SGCZ: variants seen among roughly 807,000 people sequenced by gnomAD.
SGCZ encodes the protein sarcoglycan zeta.
Under a neutral mutation model 41.3 loss-of-function variants are expected in SGCZ, and 40 were observed. The observed-to-expected ratio is 0.97, with a 90% CI of 0.75 to 1.26. SGCZ has a LOEUF of 1.26. Ranked by LOEUF, SGCZ falls within the 50% of genes most tolerant of loss-of-function variation. The probability of loss-of-function intolerance (pLI) is 0.00; values close to 1 mark genes in which losing one functional copy is unlikely to be tolerated. For synonymous variants in SGCZ, 206 were observed against 137.5 expected, an observed-to-expected ratio of 1.50 and a Z score of -3.49; for missense variants, 552 against 369.8, an observed-to-expected ratio of 1.49 and a Z score of -4.04.
intron 1 of SGCZ, among the ~76,000 whole-genome samples, chr8:14,829,868 G>C (rs980177136): frequency 6.6e-6 from 1 of 152,154 alleles, no homozygotes; most frequent in African/African-American, 2.4e-5. Flanking sequence ...CTGGAGTGCA[G>C]TGGCGCGATC....
chr8:14,107,290 A>G (rs1322705712), intron 6 of SGCZ, among the ~76,000 whole-genome samples: 1 of 152,016 alleles, frequency 6.6e-6, no homozygotes, highest in African/African-American at 2.4e-5. Flanking sequence ...TCTAGATTTT[A>G]TTATTTTGAA....
intron 1 of SGCZ, among the ~76,000 whole-genome samples, chr8:14,623,517 G>A (rs1446120319): frequency 1.3e-5 from 2 of 152,030 alleles, no homozygotes; most frequent in Non-Finnish European, 2.9e-5. Flanking sequence ...GACAGGAGGG[G>A]AAAAAATTAC....
At chr8:14,992,836 A>C (rs1398181526) in intron 1 of SGCZ, among the ~76,000 whole-genome samples, 4 of 121,634 alleles carry the variant, frequency 3.3e-5, no homozygotes, top group African/African-American at 6.6e-5. Flanking sequence ...CATCCTCCTC[A>C]TTCAATCTAC....
intron 2 of SGCZ, among the ~76,000 whole-genome samples, chr8:14,380,018 C>G (rs1804300932): frequency 1.3e-5 from 2 of 152,178 alleles, no homozygotes; most frequent in Admixed American, 6.6e-5. Context: ...AGGTGTGAGC[C>G]ATGGCACCCG....
chr8:14,242,187 G>C (rs772564732), intron 3 of SGCZ, among the ~76,000 whole-genome samples: 2 of 152,130 alleles, frequency 1.3e-5, no homozygotes, highest in African/African-American at 4.8e-5. Flanking sequence ...AGAAGATATG[G>C]GTGTTTCAGG....
At chr8:14,576,435 T>C (rs528244022) in intron 1 of SGCZ, among the ~76,000 whole-genome samples, 121 of 152,268 alleles carry the variant, frequency 7.9e-4, no homozygotes, top group African/African-American at 2.6e-3. Flanking sequence ...TATAGTATAA[T>C]GAAGTAATAT....
At chr8:14,205,809 T>C (rs907281822) in intron 4 of SGCZ, among the ~76,000 whole-genome samples, 1 of 152,130 alleles carries the variant, frequency 6.6e-6, no homozygotes, top group Non-Finnish European at 1.5e-5. Flanking sequence ...AATTATTCTA[T>C]TTGATGCACT....
intron 3 of SGCZ, among the ~76,000 whole-genome samples, chr8:14,318,510 C>G (rs866778922): frequency 6.6e-6 from 1 of 151,918 alleles, no homozygotes; most frequent in Non-Finnish European, 1.5e-5. Context: ...TAATGAAAGT[C>G]AAGCCCAGAT....
chr8:14,229,102 G>C (rs978348643), intron 4 of SGCZ, among the ~76,000 whole-genome samples: 1 of 152,208 alleles, frequency 6.6e-6, no homozygotes, highest in South Asian at 2.1e-4. Context: ...TCAGGTTTTA[G>C]TCTAGGTCCT....
At chr8:15,229,268 G>A (rs921457554) in intron 1 of SGCZ, among the ~76,000 whole-genome samples, 3 of 152,124 alleles carry the variant, frequency 2.0e-5, no homozygotes, top group Non-Finnish European at 2.9e-5. Flanking sequence ...ACTGAAACAT[G>A]AAAATAATTA....
At chr8:14,285,242 C>G (rs1327282046) in intron 3 of SGCZ, among the ~76,000 whole-genome samples, 1 of 152,100 alleles carries the variant, frequency 6.6e-6, no homozygotes, top group Non-Finnish European at 1.5e-5. Context: ...CTTCTGGAGG[C>G]TTCAGAGCTT....
chr8:15,067,101 A>G (rs1276951132), intron 1 of SGCZ, among the ~76,000 whole-genome samples: 3 of 152,172 alleles, frequency 2.0e-5, no homozygotes, highest in African/African-American at 7.2e-5. Context: ...TTGTGTGTAA[A>G]TGTTTATAAT....
chr8:14,921,140 A>G (rs914270904), intron 1 of SGCZ, among the ~76,000 whole-genome samples: 1 of 152,200 alleles, frequency 6.6e-6, no homozygotes, highest in Non-Finnish European at 1.5e-5. Context: ...CGATTGGATT[A>G]GGCTTCAAGC....
At chr8:14,727,513 T>C (rs1022251079) in intron 1 of SGCZ, among the ~76,000 whole-genome samples, 1 of 148,808 alleles carries the variant, frequency 6.7e-6, no homozygotes, top group Non-Finnish European at 1.5e-5. Context: ...TGTACAATAA[T>C]GCTTTTTTTT....
chr8:14,731,746 C>T (rs1219979324), intron 1 of SGCZ, among the ~76,000 whole-genome samples: 1 of 151,986 alleles, frequency 6.6e-6, no homozygotes, highest in Non-Finnish European at 1.5e-5. Flanking sequence ...ATTTCTGGGT[C>T]AATCTGTTAT....
At chr8:14,531,466 G>A (rs1293904542) in intron 2 of SGCZ, among the ~76,000 whole-genome samples, 1 of 151,868 alleles carries the variant, frequency 6.6e-6, no homozygotes, top group African/African-American at 2.4e-5. Flanking sequence ...CCAGAGTGAA[G>A]AAACCACTGG....
At chr8:14,464,301 G>C (rs13281437) in intron 2 of SGCZ, among the ~76,000 whole-genome samples, 1 of 151,124 alleles carries the variant, frequency 6.6e-6, no homozygotes, top group Non-Finnish European at 1.5e-5. Context: ...CTTCTTATCA[G>C]TTATAGGTCT....
At chr8:14,264,518 C>G (rs142408732) in intron 3 of SGCZ, among the ~76,000 whole-genome samples, 219 of 152,298 alleles carry the variant, frequency 1.4e-3, no homozygotes, top group African/African-American at 5.1e-3. Flanking sequence ...AGGCTGCCAT[C>G]TAGTGCTGAA....
intron 7 of SGCZ, among the ~76,000 whole-genome samples, chr8:14,094,773 T>A (rs1801792443): frequency 6.6e-6 from 1 of 152,188 alleles, no homozygotes; most frequent in African/African-American, 2.4e-5. Flanking sequence ...GCATTCCTAT[T>A]TCTCCACATC....
Sources: allele counts gnomAD v4.1 joint callset (sites outside exome capture counted in the v4.1 genomes callset), GRCh38; gene constraint gnomAD v4.1.1; transcripts MANE v1.5; gene names NCBI Gene and HGNC (gene_info 2026-07-23, HGNC 2026-07-21).